Variants in SLC9C2 observed in about 807,000 individuals in gnomAD.
SLC9C2 encodes sodium/hydrogen exchanger 11.
In SLC9C2, 75 loss-of-function variants were observed where a neutral mutation model predicts 140.2. That is an observed-to-expected ratio of 0.53 (90% CI 0.44 to 0.65). The LOEUF (loss-of-function observed/expected upper bound fraction) is 0.65. Ranked by LOEUF, SLC9C2 falls within the 30% of genes least tolerant of loss-of-function variation. The pLI is 0.00. For missense variants in SLC9C2, 1,074 were observed against 1,331.8 expected (o/e 0.81, Z 3.01); for synonymous variants, 375 against 420.9 (o/e 0.89, Z 1.34).
chr1:173,563,028 A>G (rs1388266842), intron 9 of SLC9C2, among the ~76,000 whole-genome samples: 3 of 152,076 alleles, frequency 2.0e-5, no homozygotes, highest in South Asian at 4.2e-4. Flanking sequence ...CAGCAGGGAC[A>G]AGAAGCAGGG....
intron 3 of SLC9C2, among the ~76,000 whole-genome samples, chr1:173,599,523 C>T (rs943877170): frequency 6.6e-6 from 1 of 151,612 alleles, no homozygotes; most frequent in Middle Eastern, 3.2e-3. Context: ...TACAGGCGCC[C>T]GCCACAACAC....
intron 9 of SLC9C2, among the ~76,000 whole-genome samples, chr1:173,564,713 C>G (rs182652104): frequency 4.1e-4 from 61 of 147,736 alleles, no homozygotes; most frequent in African/African-American, 1.5e-3. Flanking sequence ...TCTCGGCTCA[C>G]TGCAAGCTCT....
At chr1:173,592,330 C>T (rs753918696) in intron 4 of SLC9C2, among the ~76,000 whole-genome samples, 2 of 152,112 alleles carry the variant, frequency 1.3e-5, no homozygotes, top group Non-Finnish European at 2.9e-5. Context: ...CTTAGGATTG[C>T]TTTAGCTATT....
At chr1:173,507,859 C>A (rs1659766610) in intron 24 of SLC9C2, among the ~76,000 whole-genome samples, 1 of 152,146 alleles carries the variant, frequency 6.6e-6, no homozygotes, top group Non-Finnish European at 1.5e-5. Flanking sequence ...AACTGTGAAA[C>A]GATGCATTTC....
chr1:173,526,755 T>C lies in SLC9C2; in HGVS notation c.2314-41A>G, dbSNP rs552852611. On this transcript the variant is annotated intron_variant, in intron 18 of 27. Transcript: ENST00000367714. ...AAAAACATGTATTTCTTATTATTCA[T>C]ATAGTTTCTGTAAGAAATTAAGAAA... 1.3e-5 allele frequency: 18 copies of C among 1,340,388 alleles called. No homozygotes were observed. The Admixed American group carries it at 3.9e-4, about 29-fold the overall frequency. The allele number at this position is 1,340,388 out of a possible 1,614,324, so 83.0% of individuals were successfully genotyped here.
In SLC9C2 at chr1:173,511,029, C is replaced by CTTTTTTTTTTTTTTTTTTT. The variant is rs71111066; in HGVS notation, c.2908-1349_2908-1331dup. On this transcript the variant is annotated intron_variant, in intron 23 of 27. Transcript: ENST00000367714. ...CCTGGATTTTTTTTCCTTTCTTTTCCTTTTTTTTTTTTTTTTTTTTTTTTG... is the reference window on the plus strand; with the variant it reads ...CCTGGATTTTTTTTCCTTTCTTTTCCTTTTTTTTTTTTTTTTTTTTTTTTTTTTTTTTTTTTTTTTTTTG... Among the ~76,000 whole-genome samples the CTTTTTTTTTTTTTTTTTTT allele has an allele frequency of 9.2e-5, 8 of 86,738 alleles. 1 individual carries two copies. The highest frequency in any genetic ancestry group is 4.4e-4 in the African/African-American group (8 of 18,298). The allele number at this position is 86,738 out of a possible 152,430, so 56.9% of individuals were successfully genotyped here.
chr1:173,590,071 C>T (rs1010085473), intron 4 of SLC9C2, among the ~76,000 whole-genome samples: 1 of 151,836 alleles, frequency 6.6e-6, no homozygotes, highest in Non-Finnish European at 1.5e-5. Flanking sequence ...GGTGAAACCC[C>T]GTCTCTACTA....
chr1:173,569,543 C>T (rs569399287), intron 9 of SLC9C2, among the ~76,000 whole-genome samples: 1 of 152,110 alleles, frequency 6.6e-6, no homozygotes, highest in East Asian at 1.9e-4. Flanking sequence ...ACTTTCTACC[C>T]CTATTTCTTT....
chr1:173,554,738 T>C lies in SLC9C2; in HGVS notation c.1292A>G (p.Lys431Arg). 6.2e-7 allele frequency: 1 copy of C among 1,600,050 alleles called. No individual in the cohort carries two copies. ...GAATGAGACACATACTTTACCTAAC[T>C]TCCTGGCTGACTGAGTCATCACGTA... ...NSYVMTQSAR[K>R]LDLCVLSLPR... The change falls in exon 11 of 28, where the codon AAG becomes AGG. Residue 431 changes from lysine to arginine, a missense_variant. Transcript: ENST00000367714.
At chr1:173,557,632 T>C in intron 9 of SLC9C2, 124 bp from the exon 10 acceptor site, 1 of 872,966 alleles carries the variant, frequency 1.1e-6, no homozygotes, top group South Asian at 1.7e-5. Context: ...AACAATGCAA[T>C]TTACTGTTAA....
intron 9 of SLC9C2, among the ~76,000 whole-genome samples, chr1:173,569,189 G>A (rs1664684476): frequency 6.6e-6 from 1 of 151,822 alleles, no homozygotes; most frequent in South Asian, 2.1e-4. Flanking sequence ...TTTGCCTTTT[G>A]TCTCCTCTGA....
chr1:173,600,281 C>G, intron 2 of SLC9C2, 64 bp from the exon 3 acceptor site: 1 of 1,120,240 alleles, frequency 8.9e-7, no homozygotes, highest in South Asian at 1.6e-5. Context: ...AAATGTGTAT[C>G]ACTTTTGCAC....
intron 3 of SLC9C2, among the ~76,000 whole-genome samples, chr1:173,598,948 C>A (rs1666598832): frequency 6.6e-6 from 1 of 152,138 alleles, no homozygotes; most frequent in South Asian, 2.1e-4. Context: ...GATCACACTG[C>A]TATGCAGTTG....
chr1:173,549,474 C>T (rs1463976780), intron 11 of SLC9C2, among the ~76,000 whole-genome samples: 1 of 152,228 alleles, frequency 6.6e-6, no homozygotes, highest in Non-Finnish European at 1.5e-5. Context: ...AGATCCCACC[C>T]ATATGATGGG....
chr1:173,526,371 C>T (rs556976314), intron 19 of SLC9C2, among the ~76,000 whole-genome samples: 1 of 152,274 alleles, frequency 6.6e-6, no homozygotes, highest in Non-Finnish European at 1.5e-5. Context: ...ATACACTTTC[C>T]ACACTCCTCT....
At chr1:173,501,487 G>A (rs1194256685) in intron 27 of SLC9C2, among the ~76,000 whole-genome samples, 3 of 149,536 alleles carry the variant, frequency 2.0e-5, no homozygotes, top group African/African-American at 7.4e-5. Flanking sequence ...AACAAATGAG[G>A]AACTCAATTA....
chr1:173,516,755 G>C (rs1221976173), intron 23 of SLC9C2, among the ~76,000 whole-genome samples: 1 of 152,128 alleles, frequency 6.6e-6, no homozygotes, highest in African/African-American at 2.4e-5. Flanking sequence ...TTGCTGTTGT[G>C]AATAGTGCTG....
rs754723139 is a variant in SLC9C2, at chr1:173,524,016, T to C, written c.2593A>G (p.Asn865Asp). ...TCTTTACCTTCCAGCCAAATGATGT[T>C]GTGAAGGTATATGTCAGGAGTTGGG... ...PPPTPDIYLH[N>D]IIWLEGKDVL... is the part of the protein sequence containing the mutation. The change falls in exon 21 of 28, where the codon AAC becomes GAC. Residue 865 changes from asparagine (N) to aspartate (D), a missense_variant. Physicochemically the swap from Asn to Asp is conservative, Grantham distance 23. Coordinates refer to ENST00000367714, the MANE Select transcript of SLC9C2 (RefSeq NM_178527.4). 1.2e-5 allele frequency: 19 copies of C among 1,613,706 alleles called. No individual in the cohort carries two copies. Among genetic ancestry groups the C allele is most frequent in the Non-Finnish European group, 1.5e-5 (18 of 1,179,838 alleles).
rs1282196882 is a variant in SLC9C2, at chr1:173,587,709, C to T, written c.479G>A (p.Gly160Asp). 1.2e-6 allele frequency: 2 copies of T among 1,613,046 alleles called. No individual in the cohort carries two copies. The highest frequency in any genetic ancestry group is 3.3e-5 in the Admixed American group (2 of 59,970). ...CACAGAACGAAGAGGATCTATAATGCCAAGGGTGATGCTAAAGAGTAGGCA... is the reference window on the plus strand; with the variant it reads ...CACAGAACGAAGAGGATCTATAATGTCAAGGGTGATGCTAAAGAGTAGGCA... Reference protein sequence around the residue: ...QSCLLFSITLGIIDPLRSVNS... With the variant: ...QSCLLFSITLDIIDPLRSVNS... Residue 160 changes from glycine to aspartate, a missense_variant, in exon 5 of 28, where the codon GGC becomes GAC. By Grantham distance (94) the Gly-to-Asp change is moderately conservative. Transcript: ENST00000367714.
Sources: allele counts gnomAD v4.1 joint callset (sites outside exome capture counted in the v4.1 genomes callset), GRCh38; gene constraint gnomAD v4.1.1; transcripts MANE v1.5; gene names NCBI Gene and HGNC (gene_info 2026-07-23, HGNC 2026-07-21).